The following CLCN5 variants were observed in gnomAD, a reference collection of about 807,000 sequenced individuals.
CLCN5 encodes the protein Cl-/H+ antiporter 5.
Under a neutral mutation model 54.0 loss-of-function variants are expected in CLCN5, and 17 were observed. The ratio of observed to expected loss-of-function variants is 0.31; its 90% CI spans 0.22 to 0.47. The LOEUF is 0.47. Ranked by LOEUF, CLCN5 falls within the 20% of genes least tolerant of loss-of-function variation. The pLI is 1.00. For synonymous variants in CLCN5, 222 were observed against 233.0 expected, an observed-to-expected ratio of 0.95 and a Z score of 0.43; for missense variants, 448 against 646.7, an observed-to-expected ratio of 0.69 and a Z score of 3.33.
chrX:50,085,583 C>T, intron 9 of CLCN5: 2 of 234,454 alleles, frequency 8.5e-6, no homozygotes, highest in South Asian at 1.1e-4. Context: ...TCTTGAACAT[C>T]TCATTTAAAA....
intron 14 of CLCN5, 91 bp from the exon 15 acceptor site, chrX:50,092,037 GA>G (rs1934119928): frequency 3.1e-6 from 2 of 645,652 alleles, no homozygotes; most frequent in Non-Finnish European, 5.0e-6. Context: ...AGACAAAGTT[GA>G]AAAGGACTGA....
chrX:49,946,874 G>A (rs1926779548), intron 3 of CLCN5, among the ~76,000 whole-genome samples: 1 of 109,974 alleles, frequency 9.1e-6, no homozygotes, highest in Non-Finnish European at 1.9e-5. Context: ...TGTTACCCAG[G>A]CTGGAGTGCA....
At chrX:50,015,485 T>C (rs1318080307) in intron 3 of CLCN5, among the ~76,000 whole-genome samples, 1 of 107,880 alleles carries the variant, frequency 9.3e-6, no homozygotes, top group African/African-American at 3.4e-5. Context: ...CCACACAATA[T>C]GGAAATGAGA....
At chrX:49,932,367 A>C (rs1925701421) in intron 3 of CLCN5, among the ~76,000 whole-genome samples, 1 of 112,762 alleles carries the variant, frequency 8.9e-6, no homozygotes, top group Non-Finnish European at 1.9e-5. Context: ...GGATACAGTT[A>C]CTTTTATCTT....
At position 50,094,889 on chromosome X, in the gene CLCN5, A is replaced by G. The variant is rs1326899832; in HGVS notation, c.*2670A>G. On this transcript the variant is annotated 3_prime_UTR_variant, in exon 15 of 15. Coordinates refer to ENST00000376091, the MANE Select transcript of CLCN5 (RefSeq NM_001127898.4). Reference sequence around the variant, plus strand: ...TCAACTGCTAGCTCAGCACCTTGACATTTGAAGTTTCTTGTCTTGAGGAGA... The same window carrying G: ...TCAACTGCTAGCTCAGCACCTTGACGTTTGAAGTTTCTTGTCTTGAGGAGA... The G allele has an allele frequency of 8.9e-6, 1 of 112,588 alleles. No homozygotes were observed. Among genetic ancestry groups the G allele is most frequent in the Non-Finnish European group, 1.9e-5 (1 of 53,308 alleles). 9.3% of individuals were successfully genotyped at this position (112,588 alleles called of 1,213,427 possible). A position where few individuals can be genotyped will look rare whatever the true frequency, so the allele number is the denominator to read the frequency against.
chrX:49,940,107 A>G (rs1327407872), intron 3 of CLCN5, among the ~76,000 whole-genome samples: 1 of 111,247 alleles, frequency 9.0e-6, no homozygotes, highest in Non-Finnish European at 1.9e-5. Context: ...ACTCCTAGCT[A>G]TGTGATGTGA....
intron 3 of CLCN5, among the ~76,000 whole-genome samples, chrX:50,016,176 CTG>C (rs1930780326): frequency 1.8e-5 from 2 of 111,479 alleles, no homozygotes; most frequent in Admixed American, 1.9e-4. Context: ...GCCCAGCAAT[CTG>C]TGTTTTAACA....
At chrX:49,939,803 A>G (rs782745962) in intron 3 of CLCN5, among the ~76,000 whole-genome samples, 6 of 111,902 alleles carry the variant, frequency 5.4e-5, no homozygotes, top group African/African-American at 1.9e-4. Flanking sequence ...CCGGTAGTCT[A>G]ACTTTGTCAT....
intron 3 of CLCN5, among the ~76,000 whole-genome samples, chrX:50,027,804 T>A (rs1279104436): frequency 1.8e-5 from 2 of 108,988 alleles, no homozygotes; most frequent in African/African-American, 6.7e-5. Flanking sequence ...TAAAAGTGAC[T>A]GAGGTAAATA....
intron 3 of CLCN5, among the ~76,000 whole-genome samples, chrX:50,007,500 C>G (rs1205635379): frequency 1.9e-5 from 2 of 104,224 alleles, no homozygotes; most frequent in Non-Finnish European, 3.9e-5. Flanking sequence ...CTGATGTTTT[C>G]CTTCATATCC....
intron 3 of CLCN5, among the ~76,000 whole-genome samples, chrX:49,926,776 T>G (rs1401899876): frequency 8.9e-6 from 1 of 112,315 alleles, no homozygotes; most frequent in Non-Finnish European, 1.9e-5. Flanking sequence ...AATCAGATTT[T>G]GTTTTAGAAA....
intron 4 of CLCN5, among the ~76,000 whole-genome samples, chrX:50,059,537 T>G (rs189224848): frequency 9.0e-6 from 1 of 111,672 alleles, no homozygotes; most frequent in African/African-American, 3.3e-5. Flanking sequence ...TTCACAATAA[T>G]ATCAATTGAC....
At chrX:50,035,276 A>G (rs1267272519) in intron 3 of CLCN5, among the ~76,000 whole-genome samples, 1 of 111,644 alleles carries the variant, frequency 9.0e-6, no homozygotes, top group Non-Finnish European at 1.9e-5. Flanking sequence ...TGATGAAGTA[A>G]TAAACTCTTT....
At chrX:50,002,712 TGTGTG>T (rs1929926165) in intron 3 of CLCN5, among the ~76,000 whole-genome samples, 15 of 108,150 alleles carry the variant, frequency 1.4e-4, no homozygotes, top group Admixed American at 9.0e-4. Context: ...TGTGTGTGTG[TGTGTG>T]GTGTGTGTGT....
rs1932825048 is a variant in CLCN5, at chrX:50,060,007, T to C, written c.164-9872T>C. Among the ~76,000 whole-genome samples the C allele has an allele frequency of 2.9e-5, 3 of 104,724 alleles. No homozygotes were observed. The South Asian group carries it at 1.4e-3, about 49-fold the overall frequency. 90.9% of individuals were successfully genotyped at this position (104,724 alleles called of 115,157 possible). A position where few individuals can be genotyped will look rare whatever the true frequency, so the allele number is the denominator to read the frequency against. On this transcript the variant is annotated intron_variant, in intron 4 of 14. Transcript: ENST00000376091. ...ATAATATAAGTGAATTCTTTAGTGGTCTTCAGATACTGTTACAGGTAAAAT... is the reference window on the plus strand; with the variant it reads ...ATAATATAAGTGAATTCTTTAGTGGCCTTCAGATACTGTTACAGGTAAAAT...
At chrX:49,971,394 A>T (rs1437978761) in intron 3 of CLCN5, among the ~76,000 whole-genome samples, 1 of 108,184 alleles carries the variant, frequency 9.2e-6, no homozygotes, top group Non-Finnish European at 1.9e-5. Flanking sequence ...CGTGGCTGGA[A>T]CAATATTGAA....
intron 4 of CLCN5, among the ~76,000 whole-genome samples, chrX:50,066,174 A>G (rs1161780380): frequency 6.6e-5 from 7 of 106,328 alleles, no homozygotes; most frequent in African/African-American, 2.5e-4. Flanking sequence ...AAAAAAAAAA[A>G]AAAAAGAAAG....
rs181959182 is a variant in CLCN5, at chrX:50,047,826, G to C, written c.163+5364G>C. ...AAGATTACAATGGAATTTTGGAGAT[G>C]AAGACCGCAGAGGTGGAGTGTCTTT... On this transcript the variant is annotated intron_variant, in intron 4 of 14. Coordinates refer to ENST00000376091, the MANE Select transcript of CLCN5 (RefSeq NM_001127898.4). 1.1e-3 allele frequency among the ~76,000 whole-genome samples: 124 copies of C among 111,709 alleles called. 1 individual carries two copies. Among genetic ancestry groups the C allele is most frequent in the African/African-American group, 3.8e-3 (117 of 30,727 alleles).
intron 4 of CLCN5, chrX:50,069,488 G>A (rs1933150864): frequency 1.3e-6 from 1 of 762,467 alleles, no homozygotes. Context: ...CCTTATAAAT[G>A]TAAAATGGTT....
Sources: allele counts gnomAD v4.1 joint callset (sites outside exome capture counted in the v4.1 genomes callset), GRCh38; gene constraint gnomAD v4.1.1; transcripts MANE v1.5; gene names NCBI Gene and HGNC (gene_info 2026-07-23, HGNC 2026-07-21).